Variants in TEAD3 observed in about 807,000 individuals in gnomAD.
TEAD3 encodes TEA domain transcription factor 3.
Under a neutral mutation model 55.6 loss-of-function variants are expected in TEAD3, and 15 were observed. The observed-to-expected ratio is 0.27, with a 90% CI of 0.18 to 0.42. The LOEUF is 0.42. TEAD3 is among the 10% of genes least tolerant of loss of function. TEAD3 has a pLI of 1.00. For synonymous variants in TEAD3, 210 were observed against 232.2 expected, an observed-to-expected ratio of 0.90 and a Z score of 0.87; for missense variants, 407 against 576.8, an observed-to-expected ratio of 0.71 and a Z score of 3.01.
chr6:35,481,762 ACT>A (rs373349037), intron 3 of TEAD3, among the ~76,000 whole-genome samples: 3 of 152,092 alleles, frequency 2.0e-5, no homozygotes, highest in African/African-American at 7.2e-5. Context: ...TCCAGAGCCC[ACT>A]CTGACTCCAC....
In TEAD3 at chr6:35,483,590, G is replaced by A. The variant is rs944636586; in HGVS notation, c.267+970C>T. ...TTGATCTAGGCCTCTGCTTATGCCC[G>A]CAATGGCCAGCCTCTCTGTCTCCAG... is the stretch of plus-strand genomic sequence containing the variant. On this transcript the variant is annotated intron_variant, in intron 3 of 12. Transcript: ENST00000639578. The surrounding 1 kb of genome is among the most constrained non-coding windows in gnomAD (Gnocchi z 4.5). Among the ~76,000 whole-genome samples the A allele has an allele frequency of 1.3e-5, 2 of 152,042 alleles. No individual in the cohort carries two copies. The highest frequency in any genetic ancestry group is 4.8e-5 in the African/African-American group (2 of 41,388).
At chr6:35,479,376 G>A in intron 4 of TEAD3, 60 bp from the exon 5 acceptor site, 1 of 1,607,194 alleles carries the variant, frequency 6.2e-7, no homozygotes, top group Non-Finnish European at 8.5e-7. Flanking sequence ...GCTGTGGGCT[G>A]AGGGACGTCT....
rs1240445502 is a variant in TEAD3, at chr6:35,480,389, G to A, written c.268-267C>T. 5.6e-6 allele frequency: 9 copies of A among 1,613,428 alleles called. No homozygotes were observed. The highest frequency in any genetic ancestry group is 1.7e-5 in the Admixed American group (1 of 59,962). ...TGGCTGGACACCTAGGGGCCGCCCC[G>A]CGCCCCGCCAGAGAGGAAAACATAG... On this transcript the variant is annotated intron_variant, in intron 3 of 12. Transcript: ENST00000639578.
intron 1 of TEAD3, among the ~76,000 whole-genome samples, chr6:35,495,850 GACA>G (rs776227325): frequency 1.3e-5 from 2 of 152,170 alleles, no homozygotes; most frequent in East Asian, 1.9e-4. Context: ...TGTTCTTCCG[GACA>G]ACAAGTCCAG....
chr6:35,490,171 C>T (rs1004565848), intron 1 of TEAD3, among the ~76,000 whole-genome samples: 1 of 152,228 alleles, frequency 6.6e-6, no homozygotes, highest in African/African-American at 2.4e-5. Context: ...TGCCCGCCTC[C>T]CCTCAAGCAG....
chr6:35,476,714 A>G (rs944658178), intron 8 of TEAD3, among the ~76,000 whole-genome samples: 3 of 152,224 alleles, frequency 2.0e-5, no homozygotes, highest in African/African-American at 7.2e-5. Flanking sequence ...TAGAAAGAGA[A>G]AGTCTTGTTA....
Position 35,496,526 on chromosome 6 carries a change from C to T in TEAD3, c.-50+372G>A, listed in dbSNP as rs1308804740. Among the ~76,000 whole-genome samples the T allele has an allele frequency of 6.6e-6, 1 of 152,038 alleles. No homozygotes were observed. Among genetic ancestry groups the T allele is most frequent in the Non-Finnish European group, 1.5e-5 (1 of 67,990 alleles). On this transcript the variant is annotated intron_variant, in intron 1 of 12. Coordinates refer to ENST00000639578, the Ensembl canonical transcript of TEAD3. This position sits in a 1 kb window ranked among gnomAD's most constrained non-coding sequence, Gnocchi z 4.8. ...GCGGCGGGGCCCGGGACTGGGCGCC[C>T]CGGATATGAGCTCCAGGGTGGCAGG...
rs1280987544 is a variant in TEAD3, at chr6:35,488,700, A to AT, written c.-49-1990dup. 1.3e-5 allele frequency among the ~76,000 whole-genome samples: 2 copies of AT among 151,506 alleles called. No homozygotes were observed. The highest frequency in any genetic ancestry group is 2.9e-5 in the Non-Finnish European group (2 of 67,840). ...CTGAATGTCAGCCAGTTATTCGGTT[A>AT]TTTTTTTTCTTTTTTAAATTTTTTA... On this transcript the variant is annotated intron_variant, in intron 1 of 12. Coordinates refer to ENST00000639578, the Ensembl canonical transcript of TEAD3. This position sits in a 1 kb window ranked among gnomAD's most constrained non-coding sequence, Gnocchi z 4.2.
intron 1 of TEAD3, among the ~76,000 whole-genome samples, chr6:35,495,408 T>C (rs760896311): frequency 1.3e-5 from 2 of 152,190 alleles, no homozygotes; most frequent in Non-Finnish European, 2.9e-5. Flanking sequence ...TTAGCATTAA[T>C]GACGTTCCCT....
chr6:35,484,997 C>A lies in TEAD3; in HGVS notation c.203-373G>T, dbSNP rs553916573. Among the ~76,000 whole-genome samples the A allele has an allele frequency of 3.9e-5, 6 of 152,282 alleles. No homozygotes were observed. The South Asian group carries it at 1.2e-3, about 32-fold the overall frequency. On this transcript the variant is annotated intron_variant, in intron 2 of 12. Coordinates refer to ENST00000639578, the Ensembl canonical transcript of TEAD3. The surrounding 1 kb of genome is among the most constrained non-coding windows in gnomAD (Gnocchi z 5.8). ...TAGGGCCTGTCCTGGCCAGGCACGCCCATCCTCCCAGCCCCCAGCAGTGCT... is the reference window on the plus strand; with the variant it reads ...TAGGGCCTGTCCTGGCCAGGCACGCACATCCTCCCAGCCCCCAGCAGTGCT...
At chr6:35,479,978 C>T in intron 4 of TEAD3, 1 of 1,269,238 alleles carries the variant, frequency 7.9e-7, no homozygotes, top group Non-Finnish European at 1.1e-6. Context: ...TTGCCTGTCC[C>T]AGGCTGGAGC....
intron 1 of TEAD3, among the ~76,000 whole-genome samples, chr6:35,495,425 G>C (rs7744287): frequency 4.6e-5 from 7 of 151,950 alleles, no homozygotes; most frequent in African/African-American, 1.5e-4. Context: ...CCCTCCCTGG[G>C]GGGGTAGGGG....
chr6:35,496,389 G>A lies in TEAD3; in HGVS notation c.-50+509C>T, dbSNP rs1768654898. Among the ~76,000 whole-genome samples, 1 of 152,162 alleles carries A rather than the reference G, an allele frequency of 6.6e-6. No individual in the cohort carries two copies. Among genetic ancestry groups the A allele is most frequent in the Non-Finnish European group, 1.5e-5 (1 of 68,014 alleles). ...CAGACACCCTCCACAACCCAGCGCA[G>A]CCGCGGCACCGCGCGCAGAAACCGG... On this transcript the variant is annotated intron_variant, in intron 1 of 12. Coordinates refer to ENST00000639578, the Ensembl canonical transcript of TEAD3. This position sits in a 1 kb window ranked among gnomAD's most constrained non-coding sequence, Gnocchi z 4.8.
In TEAD3 at chr6:35,475,015, T is replaced by TGC. The variant is rs1470414270; in HGVS notation, c.*27_*28dup. On this transcript the variant is annotated 3_prime_UTR_variant, in exon 13 of 13. Transcript: ENST00000639578. This position sits in a 1 kb window ranked among gnomAD's most constrained non-coding sequence, Gnocchi z 5.4. ...AGGTGTGGAGAGGAGATGCTCACCC[T>TGC]GCATCCTTAAGGAGGCGCAGAGGGC... 4.0e-6 allele frequency: 6 copies of TGC among 1,504,512 alleles called. No individual in the cohort carries two copies. Among genetic ancestry groups the TGC allele is most frequent in the African/African-American group, 1.4e-5 (1 of 72,194 alleles). 93.2% of individuals were successfully genotyped at this position (1,504,512 alleles called of 1,614,324 possible).
chr6:35,477,290 C>T (rs1369441715), intron 8 of TEAD3, 21 bp downstream of exon 8: 1 of 1,609,676 alleles, frequency 6.2e-7, no homozygotes, highest in Non-Finnish European at 8.5e-7. Flanking sequence ...CAAGGGAGAG[C>T]ACCTCGTGTG....
intron 7 of TEAD3, among the ~76,000 whole-genome samples, chr6:35,478,017 ATTTTTT>A (rs57932235): frequency 9.4e-5 from 13 of 137,848 alleles, no homozygotes; most frequent in African/African-American, 3.5e-4. Flanking sequence ...CACCCAGCTA[ATTTTTT>A]TTTTTTTTTT....
chr6:35,495,577 GA>G (rs1768625760), intron 1 of TEAD3, among the ~76,000 whole-genome samples: 1 of 152,110 alleles, frequency 6.6e-6, no homozygotes, highest in African/African-American at 2.4e-5. Flanking sequence ...CAGGGACCCA[GA>G]AGACCACAGA....
intron 3 of TEAD3, among the ~76,000 whole-genome samples, chr6:35,481,243 C>A (rs1348749559): frequency 6.6e-6 from 1 of 152,126 alleles, no homozygotes; most frequent in South Asian, 2.1e-4. Flanking sequence ...GTGTGCCCAG[C>A]TGACACCACA....
chr6:35,480,196 A>G, intron 3 of TEAD3, 116 bp downstream of exon 4: 1 of 1,553,852 alleles, frequency 6.4e-7, no homozygotes, highest in Non-Finnish European at 8.7e-7. Context: ...TTCAGCCAGA[A>G]AAGAGGCACA....
Sources: allele counts gnomAD v4.1 joint callset (sites outside exome capture counted in the v4.1 genomes callset), GRCh38; gene constraint gnomAD v4.1.1; non-coding constraint Gnocchi (gnomAD v3.1); transcripts MANE v1.5; gene names NCBI Gene and HGNC (gene_info 2026-07-23, HGNC 2026-07-21).